The following SVEP1 variants were observed in gnomAD, a reference collection of about 807,000 sequenced individuals.
SVEP1 encodes the protein sushi, von Willebrand factor type A, EGF and pentraxin domain-containing protein 1.
A neutral mutation model predicts 367.3 loss-of-function variants in SVEP1; 164 were observed. The ratio of observed to expected loss-of-function variants is 0.45; its 90% CI spans 0.39 to 0.51. The LOEUF is 0.51. Ranked by LOEUF, SVEP1 falls within the 20% of genes least tolerant of loss-of-function variation. The pLI, the probability that SVEP1 is intolerant of heterozygous loss-of-function variation, is 0.00. For synonymous variants in SVEP1, 1,666 were observed against 1,611.6 expected, an observed-to-expected ratio of 1.03 and a Z score of -0.81; for missense variants, 4,117 against 4,425.3, an observed-to-expected ratio of 0.93 and a Z score of 1.98.
intron 27 of SVEP1, among the ~76,000 whole-genome samples, chr9:110,439,074 T>C (rs1588053716): frequency 6.6e-6 from 1 of 152,342 alleles, no homozygotes; most frequent in South Asian, 2.1e-4. Flanking sequence ...CATTCACTGC[T>C]ATGCACTGAA....
At chr9:110,524,488 G>C (rs1269710188) in intron 3 of SVEP1, among the ~76,000 whole-genome samples, 3 of 152,064 alleles carry the variant, frequency 2.0e-5, no homozygotes, top group African/African-American at 7.2e-5. Context: ...TTGTAGGGAG[G>C]CAAGGCTGGT....
Position 110,450,183 on chromosome 9 carries a change from C to G in SVEP1, c.3979G>C (p.Gly1327Arg). 6.2e-7 allele frequency: 1 copy of G among 1,613,922 alleles called. No individual in the cohort carries two copies. The highest frequency in any genetic ancestry group is 8.5e-7 in the Non-Finnish European group (1 of 1,179,840). ...GGTGGGCATTTGCACAAGAATCCCC[C>G]AACCTGGTCTTCACAGACTGCATTA... ...LNNAVCEDQV[G>R]GFLCKCPPGF... Residue 1327 changes from glycine to arginine, a missense_variant, in exon 24 of 48, where the codon GGG (glycine) becomes CGG (arginine). Gly to Arg is a moderately radical substitution (Grantham distance 125). Coordinates refer to ENST00000374469, the MANE Select transcript of SVEP1 (RefSeq NM_153366.4).
rs920786906 is a variant in SVEP1 at position 110,365,965 on chromosome 9, G to A, written c.*574C>T. The A allele has an allele frequency of 6.6e-6, 1 of 152,224 alleles. No individual in the cohort carries two copies. The highest frequency in any genetic ancestry group is 6.5e-5 in the Admixed American group (1 of 15,280). The allele number at this position is 152,224 out of a possible 1,614,324, so 9.4% of individuals were successfully genotyped here. On this transcript the variant is annotated 3_prime_UTR_variant, in exon 48 of 48. Transcript: ENST00000374469. ...CCAGGACATAATTATGTGGTGGAGA[G>A]TACCAGGTCCAACAGTTACTCTCTG...
intron 43 of SVEP1, among the ~76,000 whole-genome samples, chr9:110,382,475 T>C (rs2118955890): frequency 6.6e-6 from 1 of 152,304 alleles, no homozygotes; most frequent in East Asian, 1.9e-4. Context: ...TCACCTGGAC[T>C]TTCTCTCTGG....
At chr9:110,435,135 G>C in intron 29 of SVEP1, 106 bp downstream of exon 29, 1 of 1,278,378 alleles carries the variant, frequency 7.8e-7, no homozygotes. Flanking sequence ...TAGATTGACA[G>C]TCACATACGA....
Position 110,373,682 on chromosome 9 carries a change from A to T in SVEP1, c.10600+1686T>A, listed in dbSNP as rs181757636. On this transcript the variant is annotated intron_variant, in intron 46 of 47. Transcript: ENST00000374469. ...ACTAGAAGGTAGTTTATCATTTTAA[A>T]TTGAGTTATTTGACATTTACTAAAA... Among the ~76,000 whole-genome samples the T allele has an allele frequency of 2.4e-4, 37 of 151,954 alleles. 1 individual carries two copies. The East Asian group carries it at 6.6e-3, about 27-fold the overall frequency.
Position 110,446,912 on chromosome 9 carries a change from T to C in SVEP1, c.4249A>G (p.Arg1417Gly), listed in dbSNP as rs1385091529. The change falls in exon 25 of 48, where the codon AGG (arginine) becomes GGG (glycine). Residue 1417 changes from arginine (R) to glycine (G), a missense_variant. Arg to Gly is a moderately radical substitution (Grantham distance 125). Around this residue, in one of 4 missense-constraint regions of SVEP1, gnomAD observed 2,174 missense variants for 2,494.3 expected, o/e 0.87. Coordinates refer to ENST00000374469, the MANE Select transcript of SVEP1 (RefSeq NM_153366.4). ...AGTTGATACATACCTGTTTCACACC[T>C]TTTGCCTGAAAATCCTGGCTGACAT... Reference protein sequence around the residue: ...CKCQPGFSGKRCETEQSTGFN... With the variant: ...CKCQPGFSGKGCETEQSTGFN... The C allele has an allele frequency of 6.5e-7, 1 of 1,536,108 alleles. No individual in the cohort carries two copies. Among genetic ancestry groups the C allele is most frequent in the Non-Finnish European group, 8.8e-7 (1 of 1,141,034 alleles).
At chr9:110,503,422 T>A (rs763348436) in intron 5 of SVEP1, among the ~76,000 whole-genome samples, 22 of 152,192 alleles carry the variant, frequency 1.4e-4, no homozygotes, top group Admixed American at 6.5e-5. Context: ...CTAAATAATA[T>A]CATCGCATGC....
chr9:110,447,011 T>A lies in SVEP1; in HGVS notation c.4150A>T (p.Ile1384Phe). ...GFTGSHCELN[I>F]NECQSNPCRN... is the part of the protein sequence containing the mutation. Reference sequence around the variant, plus strand: ...CATGGATTAGACTGACATTCATTGATGTTCAATTCACAGTGTGATCCTGTG... The same window carrying A: ...CATGGATTAGACTGACATTCATTGAAGTTCAATTCACAGTGTGATCCTGTG... Residue 1384 changes from isoleucine (I) to phenylalanine (F), a missense_variant, in exon 25 of 48, where the codon ATC (isoleucine) becomes TTC (phenylalanine). This residue lies in a region of SVEP1 where 2,174 missense variants were observed against 2,494.3 expected (regional missense o/e 0.87). Coordinates refer to ENST00000374469, the MANE Select transcript of SVEP1 (RefSeq NM_153366.4). 6.5e-7 allele frequency: 1 copy of A among 1,543,344 alleles called. No individual in the cohort carries two copies. Among genetic ancestry groups the A allele is most frequent in the Non-Finnish European group, 8.7e-7 (1 of 1,144,402 alleles).
At chr9:110,473,478 AAAAC>A (rs1455679739) in intron 14 of SVEP1, among the ~76,000 whole-genome samples, 3 of 152,198 alleles carry the variant, frequency 2.0e-5, no homozygotes, top group Non-Finnish European at 1.5e-5. Context: ...ACCTGGAATA[AAAAC>A]AAACAACACA....
rs1416053300 is a variant in SVEP1 at position 110,392,152 on chromosome 9, T to TATATATA, written c.9823-2566_9823-2565insTATATAT. Among the ~76,000 whole-genome samples, 7 of 147,308 alleles carry TATATATA rather than the reference T, an allele frequency of 4.8e-5. No homozygotes were observed. The East Asian group carries it at 1.4e-3, about 29-fold the overall frequency. On this transcript the variant is annotated intron_variant, in intron 40 of 47. Transcript: ENST00000374469. The stretch of plus-strand genomic sequence containing the variant: ...TCCTCATTATATATATATATATATA[T>TATATATA]ATCTCTTCTCTCTCTCTCCTATTGG...
intron 22 of SVEP1, among the ~76,000 whole-genome samples, chr9:110,451,756 C>T (rs1828697126): frequency 6.6e-6 from 1 of 152,028 alleles, no homozygotes; most frequent in Non-Finnish European, 1.5e-5. Context: ...GTAACAGTTA[C>T]AGCATTACAG....
chr9:110,506,919 G>A (rs1319429937), intron 5 of SVEP1, among the ~76,000 whole-genome samples: 1 of 152,060 alleles, frequency 6.6e-6, no homozygotes. Context: ...AGGAGTAGGG[G>A]TAGGGGAAAG....
At chr9:110,423,483 G>A (rs1019333166) in intron 36 of SVEP1, among the ~76,000 whole-genome samples, 1 of 152,112 alleles carries the variant, frequency 6.6e-6, no homozygotes, top group African/African-American at 2.4e-5. Context: ...AAGTAAAAAG[G>A]TACATAGTGA....
intron 5 of SVEP1, among the ~76,000 whole-genome samples, chr9:110,511,570 G>A (rs1415831546): frequency 8.4e-6 from 1 of 119,252 alleles, no homozygotes; most frequent in African/African-American, 3.2e-5. Context: ...TTCATTGCTT[G>A]GAATCCTGGC....
At chr9:110,386,973 T>TCATGATACATCTTTCATTTCTTTC (rs1827533905) in intron 42 of SVEP1, among the ~76,000 whole-genome samples, 1 of 79,908 alleles carries the variant, frequency 1.3e-5, no homozygotes, top group Non-Finnish European at 3.4e-5. Flanking sequence ...CCAGTAGAAT[T>TCATGATACATCTTTCATTTCTTTC]CATGATACAT....
rs1276190273 is a variant in SVEP1, at chr9:110,407,458, T to C, written c.8142A>G (p.Ser2714=). 6.2e-7 allele frequency: 1 copy of C among 1,613,992 alleles called. No individual in the cohort carries two copies. The change falls in exon 38 of 48, where the codon TCA becomes TCG. Residue 2714 remains serine (S), a synonymous_variant. Coordinates refer to ENST00000374469, the MANE Select transcript of SVEP1 (RefSeq NM_153366.4). The part of the protein sequence containing the change: ...TWNGSAPSCI[S]IECDLPTAPE... ...GAGCAGTAGGCAAGTCACATTCAAT[T>C]GAAATGCAGGATGGTGCACTGCCAT... is the stretch of plus-strand genomic sequence containing the variant.
chr9:110,431,675 T>C (rs1227902501), intron 32 of SVEP1, among the ~76,000 whole-genome samples: 1 of 152,206 alleles, frequency 6.6e-6, no homozygotes, highest in Non-Finnish European at 1.5e-5. Context: ...CATTGTAGAA[T>C]CATAGTTGGC....
chr9:110,369,979 A>C lies in SVEP1; in HGVS notation c.10638T>G (p.Cys3546Trp). 6.2e-7 allele frequency: 1 copy of C among 1,613,344 alleles called. No individual in the cohort carries two copies. Among genetic ancestry groups the C allele is most frequent in the Non-Finnish European group, 8.5e-7 (1 of 1,179,566 alleles). Residue 3546 changes from cysteine to tryptophan, a missense_variant, in exon 47 of 48, where the codon TGT becomes TGG. Cys to Trp is a radical substitution (Grantham distance 215). This residue lies in a region of SVEP1 where 1,765 missense variants were observed against 1,781.1 expected (regional missense o/e 0.99). Transcript: ENST00000374469. ...CQSPCLNGGK[C>W]VRPNRCHCLS... is the part of the protein sequence containing the mutation. The stretch of plus-strand genomic sequence containing the variant: ...GACAGTGACATCGGTTTGGTCTTAC[A>C]CATTTTCCACCATTTAAGCAGGGAG...
Sources: gnomAD v4.1 joint callset for allele counts (sites outside exome capture counted in the v4.1 genomes callset) on GRCh38, gnomAD v4.1.1 for gene constraint, gnomAD v4.1.1 regional missense constraint, MANE v1.5 for transcripts, NCBI Gene and HGNC (gene_info 2026-07-23, HGNC 2026-07-21) for gene names.